BDP1: variants seen among roughly 807,000 people sequenced by gnomAD.
BDP1 encodes the protein BDP1 general transcription factor IIIB subunit, also known as transcription factor TFIIIB component B'' homolog.
Under a neutral mutation model 266.6 loss-of-function variants are expected in BDP1, and 169 were observed. That is an observed-to-expected ratio of 0.63 (90% CI 0.56 to 0.72). BDP1 has a LOEUF of 0.72. Ranked by LOEUF, BDP1 falls within the 30% of genes least tolerant of loss-of-function variation. The pLI is 0.00. For missense variants in BDP1, 3,015 were observed against 3,053.8 expected (o/e 0.99, Z 0.30); for synonymous variants, 1,090 against 1,022.4 (o/e 1.07, Z -1.26).
chr5:71,486,720 A>C, intron 9 of BDP1, 93 bp downstream of exon 9: 52 of 1,039,154 alleles, frequency 5.0e-5, no homozygotes, highest in Non-Finnish European at 6.0e-5. Flanking sequence ...TGTGTAGCTC[A>C]GGTAGTTAAG....
chr5:71,534,040 T>C (rs1478501710), intron 26 of BDP1, among the ~76,000 whole-genome samples: 1 of 152,174 alleles, frequency 6.6e-6, no homozygotes, highest in Non-Finnish European at 1.5e-5. Flanking sequence ...TCCCTTTCTG[T>C]GGGGTTGTCT....
chr5:71,547,155 C>CTT (rs371357111), intron 32 of BDP1, among the ~76,000 whole-genome samples: 1 of 149,344 alleles, frequency 6.7e-6, no homozygotes, highest in Admixed American at 6.7e-5. Context: ...GCCTGGCCAG[C>CTT]TTTTTTTTTA....
Position 71,458,657 on chromosome 5 carries a change from A to G in BDP1, c.291A>G (p.Arg97=). The change falls in exon 2 of 39, where the codon CGA becomes CGG. Residue 97 remains arginine, a synonymous_variant. Transcript: ENST00000358731. ...CTACTGTTTCACAGAGAAGAAAGCG[A>G]ATATCAAGTACTTCTAGCCTGGTTA... ...SSSTVSQRRK[R]ISSTSSLVKS... 6.2e-7 allele frequency: 1 copy of G among 1,613,952 alleles called. No individual in the cohort carries two copies. The highest frequency in any genetic ancestry group is 1.6e-4 in the Middle Eastern group (1 of 6,062).
chr5:71,553,309 T>A lies in BDP1; in HGVS notation c.7189T>A (p.Tyr2397Asn). 1.2e-6 allele frequency: 2 copies of A among 1,612,178 alleles called. No individual in the cohort carries two copies. Among genetic ancestry groups the A allele is most frequent in the South Asian group, 2.2e-5 (2 of 91,006 alleles). The change falls in exon 35 of 39, where the codon TAT becomes AAT. Residue 2397 changes from tyrosine to asparagine, a missense_variant. By Grantham distance (143) the Tyr-to-Asn change is moderately radical. This residue lies in a region of BDP1 where 629 missense variants were observed against 632.5 expected (regional missense o/e 0.99). Coordinates refer to ENST00000358731, the MANE Select transcript of BDP1 (RefSeq NM_018429.3). ...SLTLRDDCQE[Y>N]TTEVHSKELT... Reference sequence around the variant, plus strand: ...CACTTTAAGAGATGACTGTCAAGAATATACCACTGAGGTAAGTGGTATATT... The same window carrying A: ...CACTTTAAGAGATGACTGTCAAGAAAATACCACTGAGGTAAGTGGTATATT...
chr5:71,545,280 A>G, intron 32 of BDP1, 61 bp downstream of exon 32: 1 of 1,435,146 alleles, frequency 7.0e-7, no homozygotes, highest in South Asian at 1.2e-5. Context: ...TAAAAAAAAA[A>G]AGGTATAATT....
intron 14 of BDP1, among the ~76,000 whole-genome samples, chr5:71,502,091 G>A (rs1012227446): frequency 1.3e-5 from 2 of 151,848 alleles, no homozygotes; most frequent in African/African-American, 4.8e-5. Flanking sequence ...AGTATTCTAT[G>A]CTTGGCAGAT....
intron 28 of BDP1, 21 bp from the exon 29 acceptor site, chr5:71,541,433 G>A (rs936212360): frequency 3.1e-5 from 24 of 764,924 alleles, no homozygotes; most frequent in Admixed American, 1.7e-4. Flanking sequence ...TTTTAATTTT[G>A]TTTTTTTTTT....
Position 71,461,958 on chromosome 5 carries a change from C to CTT in BDP1, c.599+52_599+53dup, listed in dbSNP as rs370261571. On this transcript the variant is annotated intron_variant, in intron 3 of 38. Transcript: ENST00000358731. ...AAAATTTATTTCTGCTTTACTATCT[C>CTT]TTTTTTTTTTTTTTTTTTTTTGGAG... is the stretch of plus-strand genomic sequence containing the variant. 0.072 allele frequency: 31,074 copies of CTT among 430,986 alleles called. 157 individuals carry two copies. Among genetic ancestry groups the CTT allele is most frequent in the South Asian group, 0.094 (3,970 of 42,320 alleles). The allele number at this position is 430,986 out of a possible 1,614,324, so 26.7% of individuals were successfully genotyped here.
chr5:71,521,591 C>A (rs987343121), intron 22 of BDP1, among the ~76,000 whole-genome samples: 4 of 152,124 alleles, frequency 2.6e-5, no homozygotes, highest in African/African-American at 9.7e-5. Context: ...CGTGCCTGGT[C>A]TCTATTAGTT....
rs138679939 is a variant in BDP1, at chr5:71,554,085, C to G, written c.7200+765C>G. On this transcript the variant is annotated intron_variant, in intron 35 of 38. Transcript: ENST00000358731. ...ACACTATGGAAAAGTCCTTTTAAAA[C>G]CCGTGTTCTCAAAGAGAAAGTTAAA... Among the ~76,000 whole-genome samples the G allele has an allele frequency of 3.5e-3, 526 of 152,240 alleles. 3 individuals are homozygous for G. The highest frequency in any genetic ancestry group is 0.012 in the African/African-American group (496 of 41,536).
intron 15 of BDP1, 133 bp from the exon 16 acceptor site, chr5:71,504,488 A>G (rs1764455734): frequency 6.5e-6 from 5 of 764,976 alleles, no homozygotes; most frequent in Admixed American, 3.1e-5. Flanking sequence ...AAAAACATTA[A>G]AAGTATTTTA....
intron 16 of BDP1, among the ~76,000 whole-genome samples, chr5:71,505,205 C>T (rs1242977726): frequency 1.3e-5 from 2 of 152,022 alleles, no homozygotes; most frequent in African/African-American, 4.8e-5. Flanking sequence ...CAGGGTTTTA[C>T]CATGTTGGCC....
rs754171399 is a variant in BDP1, at chr5:71,510,882, A to G, written c.3790A>G (p.Ile1264Val). ...AGAAACTGGAAAAAGAGACATTCCC[A>G]TCATGGAGAAAGTATCAGGAAAGAT... is the stretch of plus-strand genomic sequence containing the variant. ...LKETGKRDIP[I>V]MEKVSGKMAV... The change falls in exon 17 of 39, where the codon ATC (isoleucine) becomes GTC (valine). Residue 1264 changes from isoleucine to valine, a missense_variant. This residue lies in a region of BDP1 where 2,383 missense variants were observed against 2,404.9 expected (regional missense o/e 0.99). Coordinates refer to ENST00000358731, the MANE Select transcript of BDP1 (RefSeq NM_018429.3). The G allele has an allele frequency of 1.2e-6, 2 of 1,613,816 alleles. No homozygotes were observed. Among genetic ancestry groups the G allele is most frequent in the Admixed American group, 3.3e-5 (2 of 60,008 alleles).
At chr5:71,498,142 G>A (rs1329639645) in intron 13 of BDP1, among the ~76,000 whole-genome samples, 1 of 152,046 alleles carries the variant, frequency 6.6e-6, no homozygotes, top group East Asian at 1.9e-4. Context: ...AGTAGAGATG[G>A]GGTTTCACCG....
At position 71,503,413 on chromosome 5, in the gene BDP1, G is replaced by A. The variant is rs1764382831; in HGVS notation, c.2241+622G>A. 3.3e-5 allele frequency among the ~76,000 whole-genome samples: 5 copies of A among 152,318 alleles called. No individual in the cohort carries two copies. The South Asian group carries it at 1.0e-3, about 32-fold the overall frequency. On this transcript the variant is annotated intron_variant, in intron 15 of 38. Coordinates refer to ENST00000358731, the MANE Select transcript of BDP1 (RefSeq NM_018429.3). Reference sequence around the variant, plus strand: ...CATTTTAGATTTTGGGCATTTACATGATAGATAATCTGTTTCACCTGACCT... The same window carrying A: ...CATTTTAGATTTTGGGCATTTACATAATAGATAATCTGTTTCACCTGACCT...
At chr5:71,487,103 T>C (rs569644778) in intron 9 of BDP1, among the ~76,000 whole-genome samples, 2 of 152,218 alleles carry the variant, frequency 1.3e-5, no homozygotes, top group Non-Finnish European at 2.9e-5. Flanking sequence ...ATTTTTAGGC[T>C]TATGTTTTCT....
At chr5:71,525,169 G>C (rs1057232452) in intron 25 of BDP1, among the ~76,000 whole-genome samples, 2 of 152,164 alleles carry the variant, frequency 1.3e-5, no homozygotes, top group African/African-American at 4.8e-5. Context: ...CAGACGGGGT[G>C]GTGGCCGGGC....
chr5:71,479,395 T>C (rs1762798035), intron 7 of BDP1, among the ~76,000 whole-genome samples: 1 of 152,140 alleles, frequency 6.6e-6, no homozygotes, highest in Admixed American at 6.6e-5. Flanking sequence ...TCCCCATCTC[T>C]TCACTATACT....
At chr5:71,493,008 T>A (rs931743404) in intron 11 of BDP1, among the ~76,000 whole-genome samples, 1 of 152,220 alleles carries the variant, frequency 6.6e-6, no homozygotes, top group Non-Finnish European at 1.5e-5. Context: ...TTTCTGTTTC[T>A]CATCCAAGTA....
Sources: gnomAD v4.1 joint callset for allele counts (sites outside exome capture counted in the v4.1 genomes callset) on GRCh38, gnomAD v4.1.1 for gene constraint, gnomAD v4.1.1 regional missense constraint, MANE v1.5 for transcripts, NCBI Gene and HGNC (gene_info 2026-07-23, HGNC 2026-07-21) for gene names.